The following OBI1 variants were observed in gnomAD, a reference collection of about 807,000 sequenced individuals.
OBI1 encodes ring finger protein 219.
OBI1 carries 59 observed loss-of-function variants against 62.4 expected under a neutral mutation model. The ratio of observed to expected loss-of-function variants is 0.95; its 90% confidence interval spans 0.77 to 1.17. The LOEUF (loss-of-function observed/expected upper bound fraction) is 1.17, where lower values mean the gene tolerates loss of function less well. Among genes scored for constraint, OBI1 ranks in the 50% most tolerant of loss-of-function variants. The pLI, the probability that OBI1 is intolerant of heterozygous loss-of-function variation, is 0.00. For missense variants in OBI1, 875 were observed against 830.9 expected (o/e 1.05, Z -0.65); for synonymous variants, 302 against 292.8 (o/e 1.03, Z -0.32).
chr13:78,650,282 T>A (rs984249317), intron 1 of OBI1, among the ~76,000 whole-genome samples: 3 of 152,090 alleles, frequency 2.0e-5, no homozygotes, highest in Non-Finnish European at 2.9e-5. Context: ...AGTGAAAAAG[T>A]GATAGGGTCA....
At chr13:78,630,120 T>C (rs1299901579) in intron 5 of OBI1, among the ~76,000 whole-genome samples, 1 of 152,134 alleles carries the variant, frequency 6.6e-6, no homozygotes, top group Non-Finnish European at 1.5e-5. Context: ...ATCTTCCTTA[T>C]CCCTGCAACC....
chr13:78,648,480 G>C (rs1876453772), intron 1 of OBI1, among the ~76,000 whole-genome samples: 1 of 151,940 alleles, frequency 6.6e-6, no homozygotes, highest in Non-Finnish European at 1.5e-5. Flanking sequence ...AGACATAAAA[G>C]TGTGCACATT....
intron 3 of OBI1, among the ~76,000 whole-genome samples, chr13:78,641,914 A>G (rs2137457169): frequency 6.6e-6 from 1 of 152,104 alleles, no homozygotes; most frequent in South Asian, 2.1e-4. Context: ...TGGTACTTAA[A>G]GAAAAAAAAT....
At chr13:78,630,329 C>T (rs1875806722) in intron 5 of OBI1, among the ~76,000 whole-genome samples, 2 of 152,096 alleles carry the variant, frequency 1.3e-5, no homozygotes, top group African/African-American at 4.8e-5. Flanking sequence ...AATAAACTCC[C>T]ATTTACTCAT....
At chr13:78,642,659 C>T (rs950845852) in intron 2 of OBI1, among the ~76,000 whole-genome samples, 1 of 152,238 alleles carries the variant, frequency 6.6e-6, no homozygotes, top group Non-Finnish European at 1.5e-5. Flanking sequence ...CCGAGGCGGG[C>T]GGATCACGAG....
At chr13:78,633,079 G>C (rs1465565005) in intron 5 of OBI1, among the ~76,000 whole-genome samples, 1 of 152,180 alleles carries the variant, frequency 6.6e-6, no homozygotes, top group African/African-American at 2.4e-5. Flanking sequence ...CAAGAAATAA[G>C]AGCTACAAAC....
chr13:78,622,103 T>C (rs1463746047), intron 5 of OBI1, among the ~76,000 whole-genome samples: 2 of 152,204 alleles, frequency 1.3e-5, no homozygotes, highest in Non-Finnish European at 2.9e-5. Context: ...GTTAAATGTT[T>C]TGACAAAGTT....
chr13:78,638,490 A>T (rs986442544), intron 4 of OBI1, among the ~76,000 whole-genome samples: 1 of 152,234 alleles, frequency 6.6e-6, no homozygotes, highest in Non-Finnish European at 1.5e-5. Context: ...AGTCGCTGAT[A>T]TAAGCTTAAA....
intron 1 of OBI1, among the ~76,000 whole-genome samples, chr13:78,655,429 A>G (rs1023480243): frequency 2.0e-5 from 3 of 152,180 alleles, no homozygotes; most frequent in African/African-American, 4.8e-5. Context: ...TTCAGGCCAC[A>G]TAGAGCTCTT....
chr13:78,650,947 T>A lies in OBI1; in HGVS notation c.73-5950A>T, dbSNP rs138442873. On this transcript the variant is annotated intron_variant, in intron 1 of 5. Coordinates refer to ENST00000282003, the MANE Select transcript of OBI1 (RefSeq NM_024546.4). ...CTATCTCTGAATCACTCTTTTTACT[T>A]ATCCTCACCATCCAAACTGTCACCA... is the stretch of plus-strand genomic sequence containing the variant. Among the ~76,000 whole-genome samples the A allele has an allele frequency of 5.8e-3, 876 of 152,246 alleles. 7 individuals carry two copies. The highest frequency in any genetic ancestry group is 0.019 in the African/African-American group (788 of 41,546).
Position 78,615,543 on chromosome 13 carries a change from C to G in OBI1, c.*37G>C, listed in dbSNP as rs1327337008. ...TAACTTTAACAACTTTTCTATTTCTCTCAGGACAAAACCACAAATGACACC... is the reference window on the plus strand; with the variant it reads ...TAACTTTAACAACTTTTCTATTTCTGTCAGGACAAAACCACAAATGACACC... On this transcript the variant is annotated 3_prime_UTR_variant, in exon 6 of 6. Transcript: ENST00000282003. 1 of 1,461,244 alleles carries G rather than the reference C, an allele frequency of 6.8e-7. No homozygotes were observed. Among genetic ancestry groups the G allele is most frequent in the Non-Finnish European group, 9.3e-7 (1 of 1,079,336 alleles). The allele number at this position is 1,461,244 out of a possible 1,614,324, so 90.5% of individuals were successfully genotyped here. A position where few individuals can be genotyped will look rare whatever the true frequency, so the allele number is the denominator to read the frequency against.
intron 5 of OBI1, among the ~76,000 whole-genome samples, chr13:78,629,587 A>C (rs1566278818): frequency 6.6e-6 from 1 of 152,170 alleles, no homozygotes; most frequent in South Asian, 2.1e-4. Context: ...AAAAGTCACT[A>C]AGGAACTTCT....
At chr13:78,630,409 A>G (rs529585004) in intron 5 of OBI1, among the ~76,000 whole-genome samples, 1 of 152,232 alleles carries the variant, frequency 6.6e-6, no homozygotes, top group Non-Finnish European at 1.5e-5. Context: ...CCTTTTGCCA[A>G]AGTATTCTAT....
chr13:78,621,075 G>A (rs1188701726), intron 5 of OBI1, among the ~76,000 whole-genome samples: 1 of 152,208 alleles, frequency 6.6e-6, no homozygotes, highest in Non-Finnish European at 1.5e-5. Flanking sequence ...GACTTTATAT[G>A]TTTCCCTCAC....
chr13:78,621,522 G>A (rs1005296042), intron 5 of OBI1, among the ~76,000 whole-genome samples: 1 of 152,114 alleles, frequency 6.6e-6, no homozygotes, highest in African/African-American at 2.4e-5. Context: ...CACAAAAACA[G>A]TTAATAAAAC....
intron 5 of OBI1, among the ~76,000 whole-genome samples, chr13:78,619,887 A>C (rs1376204319): frequency 6.6e-6 from 1 of 152,222 alleles, no homozygotes; most frequent in Non-Finnish European, 1.5e-5. Context: ...GATAAGCTAA[A>C]GGTCCTTGGC....
At chr13:78,623,889 C>T (rs1263417884) in intron 5 of OBI1, among the ~76,000 whole-genome samples, 1 of 152,150 alleles carries the variant, frequency 6.6e-6, no homozygotes, top group Non-Finnish European at 1.5e-5. Flanking sequence ...TTTAAAAGAT[C>T]ATTTATTAAA....
chr13:78,627,445 G>A (rs931948769), intron 5 of OBI1, among the ~76,000 whole-genome samples: 1 of 88,868 alleles, frequency 1.1e-5, no homozygotes, highest in Non-Finnish European at 1.9e-5. Flanking sequence ...ACCCCTTAAC[G>A]GCCCTGGTGG....
intron 5 of OBI1, 171 bp from the exon 6 acceptor site, chr13:78,617,293 C>T: frequency 4.0e-6 from 2 of 501,652 alleles, no homozygotes; most frequent in Admixed American, 3.8e-5. Flanking sequence ...GGTTTCCCCA[C>T]TTACATAATA....
Sources: gnomAD v4.1 joint callset for allele counts (sites outside exome capture counted in the v4.1 genomes callset) on GRCh38, gnomAD v4.1.1 for gene constraint, MANE v1.5 for transcripts, NCBI Gene and HGNC (gene_info 2026-07-23, HGNC 2026-07-21) for gene names.